The following PDE1C variants were observed in gnomAD, a reference collection of about 807,000 sequenced individuals.
PDE1C encodes phosphodiesterase 1C, also known as dual specificity calcium/calmodulin-dependent 3',5'-cyclic nucleotide phosphodiesterase 1C.
PDE1C carries 62 observed loss-of-function variants against 93.1 expected under a neutral mutation model. The ratio of observed to expected loss-of-function variants is 0.67; its 90% CI spans 0.54 to 0.82. The LOEUF (loss-of-function observed/expected upper bound fraction) is 0.82. Ranked by LOEUF, PDE1C falls within the 40% of genes least tolerant of loss-of-function variation. PDE1C has a pLI of 0.00. For synonymous variants in PDE1C, 325 were observed against 310.1 expected, an observed-to-expected ratio of 1.05 and a Z score of -0.50; for missense variants, 742 against 884.6, an observed-to-expected ratio of 0.84 and a Z score of 2.04.
In PDE1C at chr7:31,940,665, C is replaced by CA. The variant is rs527817435; in HGVS notation, c.129-59806dup. The stretch of plus-strand genomic sequence containing the variant: ...GAGGCAGAGCTTCCCTGAAGGGCAA[C>CA]AAGCCCCCTGTGTCTGAACAGAAAC... On this transcript the variant is annotated intron_variant, in intron 2 of 17. Transcript: ENST00000396191. Among the ~76,000 whole-genome samples the CA allele has an allele frequency of 4.0e-5, 6 of 149,818 alleles. No individual in the cohort carries two copies. In the South Asian group the frequency reaches 1.3e-3, roughly 31 times the overall value.
intron 10 of PDE1C, among the ~76,000 whole-genome samples, 154 bp downstream of exon 10, chr7:31,837,716 C>A (rs558432416): frequency 6.6e-6 from 1 of 152,294 alleles, no homozygotes; most frequent in South Asian, 2.1e-4. Flanking sequence ...GTGGTAGGTA[C>A]AACTTTTATG....
At chr7:31,646,662 A>C in the PDE1C span, among the ~76,000 whole-genome samples, 1 of 152,166 alleles carries the variant, frequency 6.6e-6, no homozygotes, top group East Asian at 1.9e-4. Context: ...GCAGCTGGAA[A>C]TAGATGTTCC....
At chr7:31,763,684 C>T (rs1794967578) in intron 17 of PDE1C, among the ~76,000 whole-genome samples, 1 of 152,172 alleles carries the variant, frequency 6.6e-6, no homozygotes, top group Non-Finnish European at 1.5e-5. Flanking sequence ...ACACAATGCC[C>T]AGAATGTTGT....
At chr7:31,873,507 G>C (rs1014791594) in intron 5 of PDE1C, 99 bp from the exon 6 acceptor site, 9 of 720,546 alleles carry the variant, frequency 1.2e-5, no homozygotes, top group African/African-American at 1.1e-4. Context: ...CCTCACTGGA[G>C]ATTTCACAGT....
intron 1 of PDE1C, among the ~76,000 whole-genome samples, chr7:32,359,483 G>A (rs1307308710): frequency 6.6e-6 from 1 of 152,158 alleles, no homozygotes; most frequent in Non-Finnish European, 1.5e-5. Context: ...CCTGAAGGCA[G>A]GAGACTTTGC....
intron 7 of PDE1C, among the ~76,000 whole-genome samples, chr7:31,857,479 T>C (rs1794162907): frequency 6.6e-6 from 1 of 152,202 alleles, no homozygotes; most frequent in Non-Finnish European, 1.5e-5. Flanking sequence ...TTGTGCTTTG[T>C]ATTCTGCCTT....
At chr7:32,135,378 G>A (rs1477552551) in intron 3 of PDE1C, among the ~76,000 whole-genome samples, 1 of 152,044 alleles carries the variant, frequency 6.6e-6, no homozygotes, top group African/African-American at 2.4e-5. Flanking sequence ...TATCTGATAA[G>A]GGGTTAATAT....
At chr7:32,381,807 CCCCACCACTA>C (rs146046520) in intron 1 of PDE1C, among the ~76,000 whole-genome samples, 1,794 of 152,220 alleles carry the variant, frequency 0.012, 31 homozygotes, top group African/African-American at 0.041. Context: ...TTATCTATCT[CCCCACCACTA>C]CCCACCACTA....
intron 1 of PDE1C, among the ~76,000 whole-genome samples, chr7:32,374,216 A>AGGGAAAGAG (rs1562695891): frequency 4.4e-5 from 6 of 137,780 alleles, no homozygotes; most frequent in Non-Finnish European, 7.6e-5. Flanking sequence ...GAGGGAAAGA[A>AGGGAAAGAG]AGGGAAAGAA....
intron 15 of PDE1C, among the ~76,000 whole-genome samples, chr7:31,809,792 C>T (rs964045053): frequency 1.4e-4 from 22 of 151,956 alleles, no homozygotes; most frequent in Admixed American, 8.5e-4. Flanking sequence ...AAAACCATAA[C>T]GTTTGGGGTT....
chr7:31,830,700 T>C (rs942332127), intron 11 of PDE1C, among the ~76,000 whole-genome samples: 2 of 152,094 alleles, frequency 1.3e-5, no homozygotes, highest in African/African-American at 4.8e-5. Flanking sequence ...CACTGCCAGT[T>C]AGTGCTCAAT....
intron 3 of PDE1C, among the ~76,000 whole-genome samples, chr7:32,084,446 G>C (rs1796929717): frequency 6.8e-6 from 1 of 147,692 alleles, no homozygotes; most frequent in South Asian, 2.2e-4. Flanking sequence ...AGATCAACGA[G>C]ACAGAAAGGT....
At chr7:31,669,198 T>C in the PDE1C span, among the ~76,000 whole-genome samples, 178 of 152,302 alleles carry the variant, frequency 1.2e-3, no homozygotes, top group African/African-American at 4.1e-3. Context: ...CCAGTAGCCA[T>C]TGTAGCAATT....
chr7:31,988,000 A>G (rs1013869231), intron 2 of PDE1C, among the ~76,000 whole-genome samples: 1 of 152,206 alleles, frequency 6.6e-6, no homozygotes, highest in Admixed American at 6.5e-5. Context: ...TGGAGGCATC[A>G]GCAGATCAGA....
intron 2 of PDE1C, among the ~76,000 whole-genome samples, chr7:32,172,823 TAAAA>T (rs70989638): frequency 2.9e-5 from 3 of 104,452 alleles, no homozygotes; most frequent in South Asian, 3.4e-4. Context: ...ACTCCATCTT[TAAAA>T]AAAAAAAAAA....
At chr7:32,419,504 C>CA (rs1253202028) in intron 1 of PDE1C, among the ~76,000 whole-genome samples, 1 of 152,118 alleles carries the variant, frequency 6.6e-6, no homozygotes. Flanking sequence ...AGTAGCTTCA[C>CA]AAAAATCCAG....
intron 9 of PDE1C, among the ~76,000 whole-genome samples, chr7:31,840,658 C>T (rs1393916633): frequency 1.3e-5 from 2 of 152,070 alleles, no homozygotes; most frequent in East Asian, 1.9e-4. Flanking sequence ...TTATCTTTTC[C>T]CATTGTTCCA....
intron 3 of PDE1C, among the ~76,000 whole-genome samples, chr7:32,086,245 C>G (rs1355048966): frequency 1.3e-5 from 2 of 148,326 alleles, no homozygotes; most frequent in Non-Finnish European, 3.0e-5. Context: ...GAGTGAACTC[C>G]CATTCACAAT....
chr7:32,355,948 T>G (rs73312907), intron 1 of PDE1C, among the ~76,000 whole-genome samples: 1 of 152,166 alleles, frequency 6.6e-6, no homozygotes, highest in Non-Finnish European at 1.5e-5. Context: ...AATGTTAAAG[T>G]ATAATCCATT....
Sources: allele counts gnomAD v4.1 joint callset (sites outside exome capture counted in the v4.1 genomes callset), GRCh38; gene constraint gnomAD v4.1.1; transcripts MANE v1.5; gene names NCBI Gene and HGNC (gene_info 2026-07-23, HGNC 2026-07-21).